Variants in DGKB observed in about 807,000 individuals in gnomAD.
DGKB encodes 90 kDa diacylglycerol kinase.
Under a neutral mutation model 114.3 loss-of-function variants are expected in DGKB, and 67 were observed. That is an observed-to-expected ratio of 0.59 (90% CI 0.48 to 0.72). The LOEUF (loss-of-function observed/expected upper bound fraction) is 0.72. Among genes scored for constraint, DGKB ranks in the 30% least tolerant of loss-of-function variants. DGKB has a pLI of 0.00. For missense variants in DGKB, 907 were observed against 975.2 expected, an observed-to-expected ratio of 0.93 and a Z score of 0.93; for synonymous variants, 398 against 323.1, an observed-to-expected ratio of 1.23 and a Z score of -2.49.
chr7:14,879,042 GTAAAT>G (rs1853808284), intron 1 of DGKB, among the ~76,000 whole-genome samples: 3 of 151,868 alleles, frequency 2.0e-5, no homozygotes, highest in South Asian at 4.2e-4. Context: ...TTATGTTATA[GTAAAT>G]TAAATACTCA....
intron 1 of DGKB, among the ~76,000 whole-genome samples, chr7:14,854,275 G>T (rs1849804638): frequency 6.6e-6 from 1 of 152,114 alleles, no homozygotes; most frequent in South Asian, 2.1e-4. Flanking sequence ...CTTTATACCT[G>T]ATTCTCATGG....
intron 21 of DGKB, among the ~76,000 whole-genome samples, chr7:14,476,162 A>G (rs2128900343): frequency 6.6e-6 from 1 of 152,032 alleles, no homozygotes; most frequent in East Asian, 1.9e-4. Flanking sequence ...AATAATATAT[A>G]TGAATATAAA....
chr7:14,393,069 A>G (rs1328568012), intron 21 of DGKB, among the ~76,000 whole-genome samples: 1 of 136,886 alleles, frequency 7.3e-6, no homozygotes, highest in Non-Finnish European at 1.5e-5. Context: ...GCTCACTGCA[A>G]GCTCTGCCCC....
At chr7:14,264,744 T>C (rs1797246729) in intron 23 of DGKB, among the ~76,000 whole-genome samples, 1 of 152,102 alleles carries the variant, frequency 6.6e-6, no homozygotes, top group Admixed American at 6.6e-5. Context: ...GCTATGTAGA[T>C]GAGACATCTT....
intron 1 of DGKB, among the ~76,000 whole-genome samples, chr7:14,863,897 C>T (rs935964129): frequency 2.6e-5 from 4 of 151,808 alleles, no homozygotes; most frequent in Non-Finnish European, 4.4e-5. Context: ...GTCAGGAGTT[C>T]GAGACCAGCC....
intron 5 of DGKB, among the ~76,000 whole-genome samples, chr7:14,734,915 G>A (rs1056422769): frequency 6.6e-6 from 1 of 152,114 alleles, no homozygotes; most frequent in Non-Finnish European, 1.5e-5. Flanking sequence ...CATAGAGGGC[G>A]CTAGAGAGAG....
At chr7:14,688,177 T>TA (rs143949316) in intron 9 of DGKB, among the ~76,000 whole-genome samples, 7,958 of 152,282 alleles carry the variant, frequency 0.052, 292 homozygotes, top group Admixed American at 0.09. Flanking sequence ...CTGTCCCTTC[T>TA]TTCTATCAGC....
intron 2 of DGKB, among the ~76,000 whole-genome samples, chr7:14,818,194 A>T (rs1844430424): frequency 6.6e-6 from 1 of 152,214 alleles, no homozygotes; most frequent in Non-Finnish European, 1.5e-5. Flanking sequence ...AGATACATTT[A>T]TTTCAAAAAC....
At chr7:14,558,633 A>C (rs1172952673) in intron 20 of DGKB, among the ~76,000 whole-genome samples, 6 of 152,186 alleles carry the variant, frequency 3.9e-5, no homozygotes, top group Non-Finnish European at 8.8e-5. Flanking sequence ...TATTCCCTAA[A>C]GATGTAAATT....
chr7:14,145,431 T>C lies in DGKB; in HGVS notation c.*3700A>G, dbSNP rs148188569. On this transcript the variant is annotated 3_prime_UTR_variant, in exon 26 of 26. Coordinates refer to ENST00000402815, the MANE Select transcript of DGKB (RefSeq NM_001350709.2). ...AATTGTTCAGTATTGAATAATCCTT[T>C]GGGGGTTATACGTGCCATGAAAAGT... 21 of 151,152 alleles carry C rather than the reference T, an allele frequency of 1.4e-4. No homozygotes were observed. The highest frequency in any genetic ancestry group is 4.6e-4 in the African/African-American group (19 of 41,292). 9.4% of individuals were successfully genotyped at this position (151,152 alleles called of 1,614,324 possible).
intron 23 of DGKB, among the ~76,000 whole-genome samples, chr7:14,199,514 G>A (rs917871631): frequency 9.2e-5 from 14 of 152,088 alleles, no homozygotes; most frequent in African/African-American, 2.2e-4. Context: ...CTCTGCAGGC[G>A]GCCTGGGACA....
At chr7:14,299,502 C>G (rs1803138468) in intron 23 of DGKB, among the ~76,000 whole-genome samples, 1 of 152,046 alleles carries the variant, frequency 6.6e-6, no homozygotes, top group African/African-American at 2.4e-5. Flanking sequence ...TGTTGCAATA[C>G]AGAAAGCTAA....
intron 21 of DGKB, among the ~76,000 whole-genome samples, chr7:14,364,701 G>A (rs1230953764): frequency 6.6e-6 from 1 of 151,958 alleles, no homozygotes; most frequent in East Asian, 1.9e-4. Flanking sequence ...GCAATAGTAA[G>A]GAAATAGCTA....
At chr7:14,960,688 T>C (rs1786789511) in intron 1 of DGKB, among the ~76,000 whole-genome samples, 1 of 152,118 alleles carries the variant, frequency 6.6e-6, no homozygotes, top group South Asian at 2.1e-4. Context: ...GGGGTTTCCC[T>C]AAACTTTATT....
intron 1 of DGKB, among the ~76,000 whole-genome samples, chr7:14,955,321 A>C (rs1161675608): frequency 6.6e-6 from 1 of 151,980 alleles, no homozygotes; most frequent in African/African-American, 2.4e-5. Flanking sequence ...AGTGCTTCTT[A>C]ATTTCCTTCA....
At chr7:14,208,601 A>G (rs1787220811) in intron 23 of DGKB, among the ~76,000 whole-genome samples, 2 of 152,014 alleles carry the variant, frequency 1.3e-5, no homozygotes. Context: ...GTGTGTACAC[A>G]TATACTAGTA....
At chr7:14,921,374 T>C (rs1330631823) in intron 1 of DGKB, among the ~76,000 whole-genome samples, 2 of 152,160 alleles carry the variant, frequency 1.3e-5, no homozygotes, top group African/African-American at 4.8e-5. Context: ...TTGCTTAATT[T>C]TTCTGCAAAG....
At chr7:14,378,856 T>C (rs1818912342) in intron 21 of DGKB, among the ~76,000 whole-genome samples, 1 of 152,068 alleles carries the variant, frequency 6.6e-6, no homozygotes, top group African/African-American at 2.4e-5. Flanking sequence ...ATTATGCAAA[T>C]AGAATTTAAA....
At chr7:14,317,048 A>C (rs1439732866) in intron 23 of DGKB, among the ~76,000 whole-genome samples, 1 of 60,624 alleles carries the variant, frequency 1.6e-5, no homozygotes, top group Admixed American at 1.5e-4. Context: ...TGATTATCTC[A>C]ATAGATGCAG....
Sources: allele counts gnomAD v4.1 joint callset (sites outside exome capture counted in the v4.1 genomes callset), GRCh38; gene constraint gnomAD v4.1.1; transcripts MANE v1.5; gene names NCBI Gene and HGNC (gene_info 2026-07-23, HGNC 2026-07-21).